The following CYTH1 variants were observed in gnomAD, a reference collection of about 807,000 sequenced individuals.
CYTH1 encodes cytohesin-1.
A neutral mutation model predicts 61.8 loss-of-function variants in CYTH1; 18 were observed. The ratio of observed to expected loss-of-function variants is 0.29; its 90% CI spans 0.20 to 0.43. CYTH1 has a LOEUF of 0.43. Among genes scored for constraint, CYTH1 ranks in the 20% least tolerant of loss-of-function variants. The probability of loss-of-function intolerance (pLI) is 1.00; values close to 1 mark genes in which losing one functional copy is unlikely to be tolerated. For missense variants in CYTH1, 336 were observed against 510.5 expected, an observed-to-expected ratio of 0.66 and a Z score of 3.29; for synonymous variants, 174 against 184.3, an observed-to-expected ratio of 0.94 and a Z score of 0.45.
intron 1 of CYTH1, among the ~76,000 whole-genome samples, chr17:78,768,028 C>T (rs189175007): frequency 6.6e-6 from 1 of 152,260 alleles, no homozygotes; most frequent in East Asian, 1.9e-4. Flanking sequence ...TGAGACCGAT[C>T]GTCCTGGAGG....
intron 1 of CYTH1, among the ~76,000 whole-genome samples, chr17:78,781,492 C>T (rs112210999): frequency 0.26 from 39,801 of 151,988 alleles, 6,262 homozygotes; most frequent in East Asian, 0.35. Context: ...AGGGGAGGAG[C>T]GGCGTCCCCA....
intron 3 of CYTH1, among the ~76,000 whole-genome samples, chr17:78,705,047 C>A (rs937198066): frequency 6.6e-6 from 1 of 152,124 alleles, no homozygotes; most frequent in African/African-American, 2.4e-5. Context: ...AGGAAGATTA[C>A]TTTGATCAGT....
chr17:78,773,429 A>G (rs1430738489), intron 1 of CYTH1, among the ~76,000 whole-genome samples: 5 of 152,186 alleles, frequency 3.3e-5, no homozygotes, highest in Admixed American at 3.3e-4. Flanking sequence ...CAGGAGTTTG[A>G]GGCCAGCCTT....
intron 1 of CYTH1, among the ~76,000 whole-genome samples, chr17:78,767,114 A>C (rs1357844016): frequency 6.6e-6 from 1 of 152,096 alleles, no homozygotes; most frequent in African/African-American, 2.4e-5. Flanking sequence ...AGTGACACCT[A>C]CTCTGGCATG....
At chr17:78,716,648 A>C (rs145446820) in intron 1 of CYTH1, among the ~76,000 whole-genome samples, 16 of 152,234 alleles carry the variant, frequency 1.1e-4, no homozygotes, top group African/African-American at 3.4e-4. Context: ...TTTTATTCTG[A>C]GATGAGGCAA....
intron 1 of CYTH1, among the ~76,000 whole-genome samples, chr17:78,726,750 C>A (rs182875944): frequency 1.3e-5 from 2 of 151,694 alleles, no homozygotes; most frequent in African/African-American, 4.8e-5. Flanking sequence ...TTGAGTTGGG[C>A]GAGAGATAAA....
At chr17:78,760,647 C>G (rs1383789429) in intron 1 of CYTH1, among the ~76,000 whole-genome samples, 1 of 147,614 alleles carries the variant, frequency 6.8e-6, no homozygotes, top group Non-Finnish European at 1.5e-5. Context: ...TTAAAACCCT[C>G]TTTTCTAAAC....
At chr17:78,685,360 A>G (rs1011147129) in intron 11 of CYTH1, among the ~76,000 whole-genome samples, 1 of 148,494 alleles carries the variant, frequency 6.7e-6, no homozygotes, top group Non-Finnish European at 1.5e-5. Context: ...TTATTATTTC[A>G]CTTTTACATT....
intron 1 of CYTH1, among the ~76,000 whole-genome samples, chr17:78,725,991 G>T (rs1027181559): frequency 6.7e-6 from 1 of 149,744 alleles, no homozygotes; most frequent in African/African-American, 2.5e-5. Context: ...AGGACCAACA[G>T]AAAACATGAA....
At chr17:78,709,309 G>A (rs1302239366) in intron 2 of CYTH1, 2 of 232,298 alleles carry the variant, frequency 8.6e-6, no homozygotes, top group Middle Eastern at 1.3e-3. Flanking sequence ...AGCTTCGCCT[G>A]AAGCCCACAT....
At chr17:78,751,381 T>C (rs1414908974) in intron 1 of CYTH1, among the ~76,000 whole-genome samples, 1 of 151,990 alleles carries the variant, frequency 6.6e-6, no homozygotes, top group Non-Finnish European at 1.5e-5. Context: ...AGGCACATCA[T>C]GGCCTCTTGT....
intron 10 of CYTH1, among the ~76,000 whole-genome samples, chr17:78,695,547 T>C (rs2092930054): frequency 6.6e-6 from 1 of 152,224 alleles, no homozygotes; most frequent in African/African-American, 2.4e-5. Context: ...GTCAAGACTT[T>C]GTTCTCTCTG....
At chr17:78,747,247 A>T (rs2093363255) in intron 1 of CYTH1, among the ~76,000 whole-genome samples, 1 of 151,992 alleles carries the variant, frequency 6.6e-6, no homozygotes. Context: ...AAGAATAGAA[A>T]AAGTCCCTGG....
intron 3 of CYTH1, among the ~76,000 whole-genome samples, chr17:78,706,921 T>C (rs2093072863): frequency 6.6e-6 from 1 of 152,260 alleles, no homozygotes; most frequent in Non-Finnish European, 1.5e-5. Context: ...TCATATATTC[T>C]AGATACAAGT....
chr17:78,759,787 A>C (rs894980020), intron 1 of CYTH1, among the ~76,000 whole-genome samples: 2 of 152,312 alleles, frequency 1.3e-5, no homozygotes, highest in African/African-American at 4.8e-5. Flanking sequence ...AAATCATTTT[A>C]TACACTCAAC....
Position 78,689,566 on chromosome 17 carries a change from C to T in CYTH1, c.891+2851G>A, listed in dbSNP as rs941150509. ...CTGTAAATACAGATGAAGCTTCCAC[C>T]GCTCGCCTGCCACTCACCTCCCGCT... On this transcript the variant is annotated intron_variant, in intron 11 of 13. Transcript: ENST00000446868. 3.9e-5 allele frequency among the ~76,000 whole-genome samples: 6 copies of T among 152,196 alleles called. No homozygotes were observed. In the East Asian group the frequency reaches 5.8e-4, roughly 15 times the overall value.
At chr17:78,743,025 T>A (rs776078360) in intron 1 of CYTH1, among the ~76,000 whole-genome samples, 42 of 152,198 alleles carry the variant, frequency 2.8e-4, no homozygotes, top group Non-Finnish European at 5.1e-4. Context: ...TGTATTTATT[T>A]AGTGTGGGCA....
chr17:78,746,996 C>G (rs1442870037), intron 1 of CYTH1, among the ~76,000 whole-genome samples: 2 of 151,884 alleles, frequency 1.3e-5, no homozygotes, highest in African/African-American at 2.4e-5. Flanking sequence ...AGATTTGACT[C>G]TTTACCATGT....
At chr17:78,678,284 G>A (rs2092721977) in intron 13 of CYTH1, 1 of 152,314 alleles carries the variant, frequency 6.6e-6, no homozygotes, top group Non-Finnish European at 1.5e-5. Flanking sequence ...AAAGACCAGT[G>A]AGGGAGGACA....
Sources: gnomAD v4.1 joint callset for allele counts (sites outside exome capture counted in the v4.1 genomes callset) on GRCh38, gnomAD v4.1.1 for gene constraint, MANE v1.5 for transcripts, NCBI Gene and HGNC (gene_info 2026-07-23, HGNC 2026-07-21) for gene names.